Variants in PSG6 observed in about 807,000 individuals in gnomAD.
PSG6 encodes the protein pregnancy specific beta-1-glycoprotein 6.
Under a neutral mutation model 43.3 loss-of-function variants are expected in PSG6, and 51 were observed. That is an observed-to-expected ratio of 1.18 (90% confidence interval 0.94 to 1.49). The LOEUF is 1.49. PSG6 is among the 40% of genes most tolerant of loss of function. PSG6 has a pLI of 0.00. For missense variants in PSG6, 770 were observed against 522.2 expected, an observed-to-expected ratio of 1.47 and a Z score of -4.62; for synonymous variants, 292 against 197.6, an observed-to-expected ratio of 1.48 and a Z score of -4.01.
At chr19:42,906,800 T>G in intron 5 of PSG6, 122 bp downstream of exon 5, 2 of 1,600,642 alleles carry the variant, frequency 1.2e-6, no homozygotes, top group Non-Finnish European at 1.7e-6. Flanking sequence ...GGAGGAGAAT[T>G]TGGGATTTGC....
intron 3 of PSG6, among the ~76,000 whole-genome samples, chr19:42,908,669 A>T (rs1035191589): frequency 6.6e-6 from 1 of 151,748 alleles, no homozygotes; most frequent in African/African-American, 2.4e-5. Context: ...GACATTTGCA[A>T]ATGCAGAACT....
rs1171048629 is a variant in PSG6 at position 42,904,896 on chromosome 19, G to A, written c.1240+2026C>T. 4.1e-4 allele frequency among the ~76,000 whole-genome samples: 62 copies of A among 151,590 alleles called. 5 individuals carry two copies. Among genetic ancestry groups the A allele is most frequent in the Non-Finnish European group, 1.8e-4 (12 of 67,882 alleles). ...TCCTGATTTCAGCATTTACTACAAA[G>A]CCCCAGTAATCAATACAGTGTGGTA... is the stretch of plus-strand genomic sequence containing the variant. On this transcript the variant is annotated intron_variant, in intron 5 of 5. Coordinates refer to ENST00000187910, the MANE Select transcript of PSG6 (RefSeq NM_001031850.4).
At position 42,917,796 on chromosome 19, in the gene PSG6, C is replaced by T. The variant is rs761534587; in HGVS notation, c.-4G>A. 3.1e-6 allele frequency: 5 copies of T among 1,608,836 alleles called. No homozygotes were observed. The African/African-American group carries it at 5.4e-5, about 17-fold the overall frequency. On this transcript the variant is annotated 5_prime_UTR_variant, in exon 1 of 6. Coordinates refer to ENST00000187910, the MANE Select transcript of PSG6 (RefSeq NM_001031850.4). ...GAGGGGCTGAGAGGGGTCCCATGGT[C>T]TCTGCTGTCTGTGTGTTCTCCCCTG...
intron 2 of PSG6, chr19:42,915,598 A>G (rs10415444): frequency 0.34 from 55,774 of 163,980 alleles, 10,931 homozygotes; most frequent in African/African-American, 0.49. Flanking sequence ...TGGCTGGTGA[A>G]CAGCTCCAGG....
rs1054341423 is a variant in PSG6, at chr19:42,907,567, G to C, written c.985+9C>G. The C allele has an allele frequency of 1.9e-6, 3 of 1,611,744 alleles. No individual in the cohort carries two copies. Among genetic ancestry groups the C allele is most frequent in the Non-Finnish European group, 2.5e-6 (3 of 1,178,928 alleles). ...TGTCCTGGCCCACAGAGGAACAAAG[G>C]ATACTCACAGAGGACATTCAGGGTG... On this transcript the variant is annotated intron_variant, in intron 4 of 5. Transcript: ENST00000187910.
Position 42,910,667 on chromosome 19 carries a change from T to C in PSG6, c.619A>G (p.Thr207Ala), listed in dbSNP as rs747703336. The change falls in exon 3 of 6, where the codon ACA becomes GCA. Residue 207 changes from threonine (T) to alanine (A), a missense_variant. Coordinates refer to ENST00000187910, the MANE Select transcript of PSG6 (RefSeq NM_001031850.4). ...TCATAGGGTCCTGCAATATACTTTG[T>C]GACACCAAATAGATAGAGGGTCCTG... ...TNRTLYLFGVTKYIAGPYECE... is the reference protein window; with the variant it reads ...TNRTLYLFGVAKYIAGPYECE... 6.2e-7 allele frequency: 1 copy of C among 1,612,398 alleles called. No homozygotes were observed. The highest frequency in any genetic ancestry group is 8.5e-7 in the Non-Finnish European group (1 of 1,179,278).
intron 2 of PSG6, 121 bp downstream of exon 2, chr19:42,916,004 C>T (rs975272489): frequency 3.9e-6 from 6 of 1,528,452 alleles, no homozygotes; most frequent in African/African-American, 2.8e-5. Flanking sequence ...ATGCCCAAAC[C>T]CCAGCATGGG....
rs1972051185 is a variant in PSG6 at position 42,902,507 on chromosome 19, G to C, written c.1241-61C>G. 1.9e-6 allele frequency: 3 copies of C among 1,595,380 alleles called. No individual in the cohort carries two copies. In the African/African-American group the frequency reaches 4.1e-5, roughly 22 times the overall value. On this transcript the variant is annotated intron_variant, in intron 5 of 5. Transcript: ENST00000187910. ...ATTCACTACCTCCTTTACAGAGAAA[G>C]CTTCTTTCCCACAGGCTCCCAGCAA... is the stretch of plus-strand genomic sequence containing the variant.
chr19:42,906,529 A>G, intron 5 of PSG6: 2 of 1,262,964 alleles, frequency 1.6e-6, no homozygotes, highest in Non-Finnish European at 2.0e-6. Context: ...CTTGTTTCAA[A>G]GCCTCAGATG....
chr19:42,905,693 G>A (rs1382282514), intron 5 of PSG6, among the ~76,000 whole-genome samples: 2 of 151,622 alleles, frequency 1.3e-5, no homozygotes, highest in Non-Finnish European at 2.9e-5. Context: ...AGATAAGTGG[G>A]TAGGCAAATG....
Position 42,910,753 on chromosome 19 carries a change from A to T in PSG6, c.533T>A (p.Leu178Gln), listed in dbSNP as rs1432574870. ...CDPETPDASY[L>Q]WLLNGQNLPM... ...GAGGTTCTGACCATTCAGCAACCAC[A>T]GGTAGCTTGCATCCGGAGTCTCAGG... The change falls in exon 3 of 6, where the codon CTG (leucine) becomes CAG (glutamine). Residue 178 changes from leucine to glutamine, a missense_variant. Coordinates refer to ENST00000187910, the MANE Select transcript of PSG6 (RefSeq NM_001031850.4). 1 of 1,612,296 alleles carries T rather than the reference A, an allele frequency of 6.2e-7. No individual in the cohort carries two copies. Among genetic ancestry groups the T allele is most frequent in the African/African-American group, 1.3e-5 (1 of 74,734 alleles).
Position 42,916,326 on chromosome 19 carries a change from A to G in PSG6, c.226T>C (p.Tyr76His). 1 of 1,612,226 alleles carries G rather than the reference A, an allele frequency of 6.2e-7. No homozygotes were observed. The highest frequency in any genetic ancestry group is 1.3e-5 in the African/African-American group (1 of 74,818). The change falls in exon 2 of 6, where the codon TAC (tyrosine) becomes CAC (histidine). Residue 76 changes from tyrosine to histidine, a missense_variant. Tyr to His is a moderately conservative substitution (Grantham distance 83, BLOSUM62 2). Transcript: ENST00000187910. The stretch of plus-strand genomic sequence containing the variant: ...ACTACATATGATGTAATGTAATGGT[A>G]GAGGTCCGTCATTTGCCCTTTGTAC... Reference protein sequence around the residue: ...IWYKGQMTDLYHYITSYVVHG... With the variant: ...IWYKGQMTDLHHYITSYVVHG...
intron 1 of PSG6, 118 bp from the exon 2 acceptor site, chr19:42,916,605 CA>C: frequency 7.3e-7 from 1 of 1,365,054 alleles, no homozygotes; most frequent in Non-Finnish European, 1.0e-6. Context: ...TGCACACACA[CA>C]CATACAAACA....
intron 3 of PSG6, 31 bp from the exon 4 acceptor site, chr19:42,907,885 G>T (rs770509731): frequency 2.5e-6 from 4 of 1,606,502 alleles, no homozygotes; most frequent in Non-Finnish European, 3.4e-6. Context: ...TGTCCTGTGT[G>T]GCACCTTTGA....
At chr19:42,913,853 A>C (rs1307337506) in intron 2 of PSG6, among the ~76,000 whole-genome samples, 1 of 151,400 alleles carries the variant, frequency 6.6e-6, no homozygotes, top group Non-Finnish European at 1.5e-5. Flanking sequence ...GCATGATTCC[A>C]TCACCAATCA....
intron 5 of PSG6, among the ~76,000 whole-genome samples, chr19:42,902,726 C>G (rs1390422414): frequency 1.3e-5 from 2 of 151,424 alleles, no homozygotes; most frequent in Non-Finnish European, 2.9e-5. Flanking sequence ...CATGCCTGCC[C>G]CACATTCCCT....
In PSG6 at chr19:42,904,780, A is replaced by G. The variant is rs566003737; in HGVS notation, c.1240+2142T>C. On this transcript the variant is annotated intron_variant, in intron 5 of 5. Transcript: ENST00000187910. ...CTCAGTGACATTTTTGCAGAAAAAG[A>G]AAAATCTGTCCTAAAATTTATATTG... 5.3e-5 allele frequency among the ~76,000 whole-genome samples: 8 copies of G among 151,754 alleles called. 1 individual carries two copies. The highest frequency in any genetic ancestry group is 4.4e-5 in the Non-Finnish European group (3 of 67,906).
rs191921869 is a variant in PSG6, at chr19:42,915,791, C to T, written c.427+334G>A. On this transcript the variant is annotated intron_variant, in intron 2 of 5. Transcript: ENST00000187910. ...GGGTATCTCAGTGGGCCCCTCAGGCCAAGCCCTACTCAGTTTTCCAGGGTC... is the reference window on the plus strand; with the variant it reads ...GGGTATCTCAGTGGGCCCCTCAGGCTAAGCCCTACTCAGTTTTCCAGGGTC... 1.4e-3 allele frequency: 679 copies of T among 475,472 alleles called. 9 individuals carry two copies. Among genetic ancestry groups the T allele is most frequent in the African/African-American group, 0.012 (636 of 51,492 alleles). 29.5% of individuals were successfully genotyped at this position (475,472 alleles called of 1,614,324 possible). A position where few individuals can be genotyped will look rare whatever the true frequency, so the allele number is the denominator to read the frequency against.
intron 2 of PSG6, among the ~76,000 whole-genome samples, chr19:42,912,380 A>G (rs889206876): frequency 6.6e-6 from 1 of 151,740 alleles, no homozygotes; most frequent in Non-Finnish European, 1.5e-5. Flanking sequence ...TCTAAGATCA[A>G]TTGCTGGTAG....
Sources: gnomAD v4.1 joint callset for allele counts (sites outside exome capture counted in the v4.1 genomes callset) on GRCh38, gnomAD v4.1.1 for gene constraint, MANE v1.5 for transcripts, NCBI Gene and HGNC (gene_info 2026-07-23, HGNC 2026-07-21) for gene names.